The following WDR76 variants were observed in gnomAD, a reference collection of about 807,000 sequenced individuals.
WDR76 encodes WD repeat domain 76.
In WDR76, 52 loss-of-function variants were observed where a neutral mutation model predicts 70.2. The ratio of observed to expected loss-of-function variants is 0.74; its 90% confidence interval spans 0.59 to 0.93. WDR76 has a LOEUF of 0.93. Ranked by LOEUF, WDR76 falls within the 40% of genes least tolerant of loss-of-function variation. The pLI is 0.00. For missense variants in WDR76, 756 were observed against 760.2 expected (o/e 0.99, Z 0.07); for synonymous variants, 292 against 271.1 (o/e 1.08, Z -0.76).
Position 43,866,581 on chromosome 15 carries a change from A to C in WDR76, c.*189A>C. ...AGTCTTGGAGGGTTGCTTCTGCAGGACGGGGAGGGAATTTGAGGGGAGGCT... is the reference window on the plus strand; with the variant it reads ...AGTCTTGGAGGGTTGCTTCTGCAGGCCGGGGAGGGAATTTGAGGGGAGGCT... On this transcript the variant is annotated 3_prime_UTR_variant, in exon 13 of 13. Coordinates refer to ENST00000263795, the MANE Select transcript of WDR76 (RefSeq NM_024908.4). The C allele has an allele frequency of 5.5e-6, 3 of 544,808 alleles. No individual in the cohort carries two copies. The highest frequency in any genetic ancestry group is 9.0e-6 in the Non-Finnish European group (3 of 332,938). 33.7% of individuals were successfully genotyped at this position (544,808 alleles called of 1,614,324 possible). A position where few individuals can be genotyped will look rare whatever the true frequency, so the allele number is the denominator to read the frequency against.
chr15:43,832,365 CAG>C (rs1261364550), intron 2 of WDR76, among the ~76,000 whole-genome samples: 2 of 151,460 alleles, frequency 1.3e-5, no homozygotes, highest in African/African-American at 2.4e-5. Context: ...GCCTGGGTGA[CAG>C]AGTGAGACGC....
At chr15:43,862,323 T>A (rs1367920324) in intron 12 of WDR76, among the ~76,000 whole-genome samples, 6 of 135,080 alleles carry the variant, frequency 4.4e-5, no homozygotes, top group Admixed American at 7.6e-5. Context: ...TTTTTTTTTT[T>A]AATTTTTTTT....
chr15:43,843,003 TTTTC>T (rs2087744759), intron 7 of WDR76, among the ~76,000 whole-genome samples: 1 of 149,346 alleles, frequency 6.7e-6, no homozygotes, highest in East Asian at 2.0e-4. Flanking sequence ...CATTACACTT[TTTTC>T]TTTTTCTTTT....
At position 43,844,415 on chromosome 15, in the gene WDR76, C is replaced by T. The variant is rs576798593; in HGVS notation, c.1032+361C>T. ...GTCGGATCACCTGAGGTCAGGAGTT[C>T]GAGACCAGCCTGGCCAACATGGTGA... is the stretch of plus-strand genomic sequence containing the variant. On this transcript the variant is annotated intron_variant, in intron 8 of 12. Transcript: ENST00000263795. Among the ~76,000 whole-genome samples, 3 of 151,052 alleles carry T rather than the reference C, an allele frequency of 2.0e-5. No individual in the cohort carries two copies. In the East Asian group the frequency reaches 5.9e-4, roughly 29 times the overall value.
chr15:43,858,535 C>T (rs990846757), intron 10 of WDR76, 136 bp from the exon 11 acceptor site: 83 of 1,144,340 alleles, frequency 7.3e-5, no homozygotes, highest in Admixed American at 3.3e-4. Flanking sequence ...CTTGAGCCAC[C>T]GCACCTGGCT....
chr15:43,862,901 C>T (rs1442649747), intron 12 of WDR76, among the ~76,000 whole-genome samples: 1 of 151,956 alleles, frequency 6.6e-6, no homozygotes, highest in Non-Finnish European at 1.5e-5. Context: ...CCTTGGCCTC[C>T]CAAAGTGCTG....
intron 4 of WDR76, among the ~76,000 whole-genome samples, chr15:43,838,193 TTTA>T (rs1226939733): frequency 1.3e-5 from 2 of 150,246 alleles, no homozygotes; most frequent in African/African-American, 2.5e-5. Flanking sequence ...TTTTTATTTA[TTTA>T]TTTTTTTGAG....
At chr15:43,864,257 T>C (rs1434610341) in intron 12 of WDR76, among the ~76,000 whole-genome samples, 1 of 152,246 alleles carries the variant, frequency 6.6e-6, no homozygotes, top group Non-Finnish European at 1.5e-5. Context: ...TTCATTTCCT[T>C]TGGATATATT....
rs2087740671 is a variant in WDR76 at position 43,842,691 on chromosome 15, G to A, written c.878+20G>A. The A allele has an allele frequency of 6.2e-7, 1 of 1,600,356 alleles. No individual in the cohort carries two copies. The highest frequency in any genetic ancestry group is 8.5e-7 in the Non-Finnish European group (1 of 1,172,988). On this transcript the variant is annotated intron_variant, in intron 7 of 12. Coordinates refer to ENST00000263795, the MANE Select transcript of WDR76 (RefSeq NM_024908.4). ...TAAAAGGTAAGTTGAAATTCCTTGT[G>A]TTTCTTTTATATTTTTTGAGATGTT...
At chr15:43,842,055 A>T (rs1275770423) in intron 5 of WDR76, among the ~76,000 whole-genome samples, 1 of 152,084 alleles carries the variant, frequency 6.6e-6, no homozygotes, top group South Asian at 2.1e-4. Context: ...TTTAGTAGAG[A>T]TGGGATTTCA....
chr15:43,853,732 C>T (rs993912543), intron 9 of WDR76, among the ~76,000 whole-genome samples: 2 of 151,514 alleles, frequency 1.3e-5, no homozygotes, highest in Admixed American at 6.6e-5. Flanking sequence ...ATGGTGAAAC[C>T]CCATCTCTAC....
chr15:43,839,524 C>A, intron 4 of WDR76, 81 bp from the exon 5 acceptor site: 2 of 1,397,278 alleles, frequency 1.4e-6, no homozygotes, highest in Non-Finnish European at 9.6e-7. Context: ...GGTATATATT[C>A]CTAGAAGTTA....
At chr15:43,847,352 C>G (rs1194904365) in intron 8 of WDR76, among the ~76,000 whole-genome samples, 2 of 151,962 alleles carry the variant, frequency 1.3e-5, no homozygotes, top group African/African-American at 4.8e-5. Flanking sequence ...TCTCTGCCTC[C>G]TGGGTTCAGG....
intron 12 of WDR76, among the ~76,000 whole-genome samples, chr15:43,864,713 G>C (rs1161808444): frequency 6.6e-6 from 1 of 150,994 alleles, no homozygotes; most frequent in East Asian, 2.0e-4. Context: ...TCGTGCCTCA[G>C]CCTCCTGAGT....
intron 4 of WDR76, among the ~76,000 whole-genome samples, chr15:43,837,453 C>T (rs930133301): frequency 6.6e-6 from 1 of 152,088 alleles, no homozygotes; most frequent in Non-Finnish European, 1.5e-5. Flanking sequence ...TGATTTCTTC[C>T]TAAATCACAA....
At chr15:43,833,760 C>T (rs966636545) in intron 2 of WDR76, among the ~76,000 whole-genome samples, 2 of 152,066 alleles carry the variant, frequency 1.3e-5, no homozygotes, top group South Asian at 4.1e-4. Flanking sequence ...TCTCAGCCTC[C>T]CGAGTAGCTG....
intron 2 of WDR76, among the ~76,000 whole-genome samples, chr15:43,834,339 T>C (rs1286079416): frequency 6.6e-6 from 1 of 151,084 alleles, no homozygotes; most frequent in Non-Finnish European, 1.5e-5. Context: ...TCGCTCTTAT[T>C]GTCCAGGCTA....
intron 5 of WDR76, 43 bp downstream of exon 5, chr15:43,839,771 C>T (rs1345702508): frequency 6.5e-7 from 1 of 1,532,714 alleles, no homozygotes; most frequent in Non-Finnish European, 8.8e-7. Context: ...TAATAAAATA[C>T]TGAAAAATTT....
rs139113690 is a variant in WDR76, at chr15:43,851,172, C to T, written c.1118C>T (p.Pro373Leu). ...VSCLYFSPAN[P>L]AHILSLSYDG... is the part of the protein sequence containing the mutation. ...TGTCTTTACTTCTCACCCGCCAATC[C>T]GGCCCACATACTGTCACTGAGCTAT... The change falls in exon 9 of 13, where the codon CCG becomes CTG. Residue 373 changes from proline (P) to leucine (L), a missense_variant. Coordinates refer to ENST00000263795, the MANE Select transcript of WDR76 (RefSeq NM_024908.4). 348 of 1,614,146 alleles carry T rather than the reference C, an allele frequency of 2.2e-4. 3 individuals carry two copies. In the Middle Eastern group the frequency reaches 2.6e-3, roughly 12 times the overall value.
Sources: allele counts gnomAD v4.1 joint callset (sites outside exome capture counted in the v4.1 genomes callset), GRCh38; gene constraint gnomAD v4.1.1; transcripts MANE v1.5; gene names NCBI Gene and HGNC (gene_info 2026-07-23, HGNC 2026-07-21).